Variants in BANF2 observed in about 807,000 individuals in gnomAD.
The protein encoded by BANF2 is barrier-to-autointegration factor-like protein.
Under a neutral mutation model 8.0 loss-of-function variants are expected in BANF2, and 4 were observed. That is an observed-to-expected ratio of 0.50 (90% CI 0.25 to 1.14). The LOEUF is 1.14. Among genes scored for constraint, BANF2 ranks in the 50% most tolerant of loss-of-function variants. The probability of loss-of-function intolerance (pLI) is 0.16; values close to 1 mark genes in which losing one functional copy is unlikely to be tolerated. For missense variants in BANF2, 96 were observed against 107.5 expected (o/e 0.89, Z 0.47); for synonymous variants, 50 against 40.6 (o/e 1.23, Z -0.88).
intron 2 of BANF2, among the ~76,000 whole-genome samples, chr20:17,723,343 G>A (rs978063085): frequency 1.3e-5 from 2 of 152,210 alleles, no homozygotes; most frequent in Non-Finnish European, 2.9e-5. Context: ...TTGGGGGAGA[G>A]GGCTGTGGCT....
chr20:17,710,784 G>A (rs1462307198), intron 1 of BANF2, among the ~76,000 whole-genome samples: 1 of 152,178 alleles, frequency 6.6e-6, no homozygotes, highest in Admixed American at 6.5e-5. Context: ...TCCAGAGAGG[G>A]TAGAATAACT....
At chr20:17,719,960 G>T (rs2037706450) in intron 1 of BANF2, among the ~76,000 whole-genome samples, 1 of 152,166 alleles carries the variant, frequency 6.6e-6, no homozygotes, top group African/African-American at 2.4e-5. Context: ...TAGAAGCAAA[G>T]GACAAGACGT....
intron 1 of BANF2, among the ~76,000 whole-genome samples, chr20:17,721,209 A>T (rs2037722195): frequency 1.3e-5 from 2 of 152,112 alleles, no homozygotes; most frequent in Admixed American, 1.3e-4. Context: ...CCATAGCCCC[A>T]TAGTGGTCCC....
chr20:17,704,135 G>C (rs1173970219), intron 1 of BANF2, among the ~76,000 whole-genome samples: 2 of 152,228 alleles, frequency 1.3e-5, no homozygotes, highest in Non-Finnish European at 2.9e-5. Flanking sequence ...CATAGGGCGA[G>C]AGCCCAGATA....
intron 3 of BANF2, among the ~76,000 whole-genome samples, chr20:17,729,071 A>G (rs1215989918): frequency 6.6e-6 from 1 of 152,154 alleles, no homozygotes; most frequent in Non-Finnish European, 1.5e-5. Context: ...GTATGTGGCT[A>G]GCTCACTTAT....
At chr20:17,707,323 C>T (rs2037496448) in intron 1 of BANF2, among the ~76,000 whole-genome samples, 1 of 148,826 alleles carries the variant, frequency 6.7e-6, no homozygotes, top group South Asian at 2.1e-4. Flanking sequence ...GTGGAGCTTG[C>T]AGTGAACCGA....
At chr20:17,718,349 C>A (rs966894763) in intron 1 of BANF2, among the ~76,000 whole-genome samples, 1 of 152,086 alleles carries the variant, frequency 6.6e-6, no homozygotes, top group East Asian at 1.9e-4. Context: ...GGATTACAGG[C>A]GCCCACCACC....
intron 1 of BANF2, among the ~76,000 whole-genome samples, chr20:17,710,238 T>A (rs1049391437): frequency 5.3e-5 from 8 of 152,162 alleles, no homozygotes; most frequent in African/African-American, 1.9e-4. Context: ...GGGGGGGACA[T>A]GGGCAGGGCA....
At chr20:17,721,180 G>A (rs1054621178) in intron 1 of BANF2, among the ~76,000 whole-genome samples, 1 of 152,028 alleles carries the variant, frequency 6.6e-6, no homozygotes, top group Admixed American at 6.5e-5. Context: ...TTCAGAGGGG[G>A]CTCATCTCAT....
chr20:17,712,927 A>G (rs996551822), intron 1 of BANF2, among the ~76,000 whole-genome samples: 4 of 152,124 alleles, frequency 2.6e-5, no homozygotes, highest in Non-Finnish European at 5.9e-5. Flanking sequence ...TGGTGTATAC[A>G]ATGGAATGTT....
At chr20:17,707,836 A>T (rs13045275) in intron 1 of BANF2, among the ~76,000 whole-genome samples, 151,053 of 151,912 alleles carry the variant, frequency 0.99, 75,102 homozygotes, top group Middle Eastern at 1. Flanking sequence ...CACCTTGGCC[A>T]CCCAAAGTGC....
At chr20:17,699,103 C>G (rs2122560162), upstream of BANF2, among the ~76,000 whole-genome samples, 1 of 152,292 alleles carries the variant, frequency 6.6e-6, no homozygotes, top group Middle Eastern at 3.4e-3. Context: ...AACGAGTCTT[C>G]CAGGTCATTC....
At chr20:17,708,317 G>C (rs748471603) in intron 1 of BANF2, among the ~76,000 whole-genome samples, 44 of 152,284 alleles carry the variant, frequency 2.9e-4, no homozygotes, top group Non-Finnish European at 5.0e-4. Flanking sequence ...TGTGCAAGGG[G>C]GCATTTTTCT....
Position 17,735,791 on chromosome 20 carries a change from T to C in BANF2, c.253T>C (p.Trp85Arg), listed in dbSNP as rs1488231073. The change falls in exon 4 of 4, where the codon TGG becomes CGG. Residue 85 changes from tryptophan to arginine, a missense_variant. By Grantham distance (101) the Trp-to-Arg change is moderately radical. Coordinates refer to ENST00000246090, the MANE Select transcript of BANF2 (RefSeq NM_178477.5). ...GCAGACTTCTCACTGCCTCAAGGAG[T>C]GGTGTGCCTGCTTCCTGTAGACACA... is the stretch of plus-strand genomic sequence containing the variant. ...AQQTSHCLKE[W>R]CACFL The C allele has an allele frequency of 1.9e-6, 3 of 1,613,276 alleles. No homozygotes were observed. Among genetic ancestry groups the C allele is most frequent in the African/African-American group, 2.7e-5 (2 of 74,780 alleles).
chr20:17,710,845 T>C (rs1434510574), intron 1 of BANF2, among the ~76,000 whole-genome samples: 1 of 151,942 alleles, frequency 6.6e-6, no homozygotes, highest in African/African-American at 2.4e-5. Flanking sequence ...CAGGAAGAAC[T>C]TTGGACCCTT....
At chr20:17,727,970 G>T (rs1463091900) in intron 3 of BANF2, among the ~76,000 whole-genome samples, 1 of 152,056 alleles carries the variant, frequency 6.6e-6, no homozygotes, top group Non-Finnish European at 1.5e-5. Flanking sequence ...CAGCTCCTGG[G>T]CTCAAGTGAT....
intron 1 of BANF2, among the ~76,000 whole-genome samples, chr20:17,714,439 A>G (rs2037622011): frequency 6.6e-6 from 1 of 152,228 alleles, no homozygotes; most frequent in African/African-American, 2.4e-5. Context: ...TAGAACCACT[A>G]TCAGACAAGT....
chr20:17,723,921 G>A (rs1367225070), intron 2 of BANF2, among the ~76,000 whole-genome samples: 1 of 152,222 alleles, frequency 6.6e-6, no homozygotes, highest in Non-Finnish European at 1.5e-5. Context: ...CTTGAACGCA[G>A]GAGGCAGTGG....
At chr20:17,713,104 T>C (rs973944939) in intron 1 of BANF2, among the ~76,000 whole-genome samples, 1 of 151,810 alleles carries the variant, frequency 6.6e-6, no homozygotes, top group African/African-American at 2.4e-5. Flanking sequence ...ATTAAAAAAT[T>C]AGCTGAGCAT....
Sources: allele counts gnomAD v4.1 joint callset (sites outside exome capture counted in the v4.1 genomes callset), GRCh38; gene constraint gnomAD v4.1.1; transcripts MANE v1.5; gene names NCBI Gene and HGNC (gene_info 2026-07-23, HGNC 2026-07-21).